Variants in POMGNT2 observed in about 807,000 individuals in gnomAD.
The protein encoded by POMGNT2 is protein O-linked mannose N-acetylglucosaminyltransferase 2 (beta 1,4-).
A neutral mutation model predicts 37.8 loss-of-function variants in POMGNT2; 32 were observed. The observed-to-expected ratio is 0.85, with a 90% CI of 0.64 to 1.14. The LOEUF (loss-of-function observed/expected upper bound fraction) is 1.14. Among genes scored for constraint, POMGNT2 ranks in the 50% most tolerant of loss-of-function variants. POMGNT2 has a pLI of 0.00. For synonymous variants in POMGNT2, 340 were observed against 336.8 expected, an observed-to-expected ratio of 1.01 and a Z score of -0.10; for missense variants, 705 against 780.6, an observed-to-expected ratio of 0.90 and a Z score of 1.15.
rs1369256836 is a variant in POMGNT2 at position 43,079,928 on chromosome 3, G to C, written c.1504C>G (p.Leu502Val). 6.2e-7 allele frequency: 1 copy of C among 1,614,024 alleles called. No individual in the cohort carries two copies. The highest frequency in any genetic ancestry group is 8.5e-7 in the Non-Finnish European group (1 of 1,180,002). The change falls in exon 2 of 2, where the codon CTC (leucine) becomes GTC (valine). Residue 502 changes from leucine (L) to valine (V), a missense_variant. Coordinates refer to ENST00000344697, the MANE Select transcript of POMGNT2 (RefSeq NM_032806.6). The stretch of plus-strand genomic sequence containing the variant: ...CATGGGATCTGCCAGGAGACAGTGA[G>C]GCGGGCCTCGGAGGCGCCATGCACT... The part of the protein sequence containing the change: ...ASVHGASEAR[L>V]TVSWQIPWNL...
chr3:43,103,284 C>T lies in POMGNT2; in HGVS notation c.-106+2552G>A, dbSNP rs190844288. ...TCTCAGTCCAGGGCTCCTTCTCCTC[C>T]CTTATCCACAGCTCAAGGGCTGCTC... On this transcript the variant is annotated intron_variant, in intron 1 of 1. Transcript: ENST00000344697. Among the ~76,000 whole-genome samples the T allele has an allele frequency of 2.7e-4, 41 of 152,262 alleles. No homozygotes were observed. The Middle Eastern group carries it at 0.01, about 38-fold the overall frequency.
At chr3:43,086,089 C>T (rs2089895950) in intron 1 of POMGNT2, among the ~76,000 whole-genome samples, 1 of 152,168 alleles carries the variant, frequency 6.6e-6, no homozygotes, top group African/African-American at 2.4e-5. Flanking sequence ...TTGACCAGAA[C>T]CTGAGGTATC....
intron 1 of POMGNT2, among the ~76,000 whole-genome samples, chr3:43,092,737 T>C (rs1417907727): frequency 1.3e-5 from 2 of 152,230 alleles, no homozygotes; most frequent in Non-Finnish European, 2.9e-5. Flanking sequence ...GTGGAGTTCT[T>C]TATATATTTG....
At chr3:43,105,403 C>T (rs557244367) in intron 1 of POMGNT2, among the ~76,000 whole-genome samples, 80 of 152,334 alleles carry the variant, frequency 5.3e-4, no homozygotes, top group Non-Finnish European at 4.1e-4. Flanking sequence ...TTGGGGAGGC[C>T]CAGGCCCGCT....
chr3:43,081,155 A>T lies in POMGNT2; in HGVS notation c.277T>A (p.Phe93Ile). The T allele has an allele frequency of 6.2e-7, 1 of 1,613,684 alleles. No individual in the cohort carries two copies. The highest frequency in any genetic ancestry group is 1.3e-5 in the African/African-American group (1 of 74,844). The change falls in exon 2 of 2, where the codon TTC (phenylalanine) becomes ATC (isoleucine). Residue 93 changes from phenylalanine (F) to isoleucine (I), a missense_variant. Physicochemically the swap from Phe to Ile is conservative, Grantham distance 21. Coordinates refer to ENST00000344697, the MANE Select transcript of POMGNT2 (RefSeq NM_032806.6). Reference sequence around the variant, plus strand: ...GAGGTGTTGCCATGGAAGAAGATGAACTCCTCAGCCTCGTTGGAGTAGCAG... The same window carrying T: ...GAGGTGTTGCCATGGAAGAAGATGATCTCCTCAGCCTCGTTGGAGTAGCAG... ...WLCYSNEAEE[F>I]IFFHGNTSVM... is the part of the protein sequence containing the mutation.
rs908323756 is a variant in POMGNT2, at chr3:43,081,490, G to A, written c.-59C>T. 7.2e-7 allele frequency: 1 copy of A among 1,395,964 alleles called. No homozygotes were observed. Among genetic ancestry groups the A allele is most frequent in the African/African-American group, 1.4e-5 (1 of 69,038 alleles). The allele number at this position is 1,395,964 out of a possible 1,614,324, so 86.5% of individuals were successfully genotyped here. ...GGCCACTGGGAAGCACCACAGGCCA[G>A]GCAGGCTTCACCCATCCCTATGGGC... On this transcript the variant is annotated 5_prime_UTR_variant, in exon 2 of 2. Coordinates refer to ENST00000344697, the MANE Select transcript of POMGNT2 (RefSeq NM_032806.6).
intron 1 of POMGNT2, among the ~76,000 whole-genome samples, chr3:43,089,571 T>C (rs2089926138): frequency 6.6e-6 from 1 of 151,918 alleles, no homozygotes; most frequent in Non-Finnish European, 1.5e-5. Context: ...AAAAACCAGT[T>C]AGGAGCTCCC....
At chr3:43,097,357 TA>T (rs1222555449) in intron 1 of POMGNT2, among the ~76,000 whole-genome samples, 4 of 152,096 alleles carry the variant, frequency 2.6e-5, no homozygotes, top group Non-Finnish European at 5.9e-5. Flanking sequence ...TGGGCTCCCA[TA>T]ACAGAATACC....
chr3:43,084,416 C>T (rs568109870), intron 1 of POMGNT2, among the ~76,000 whole-genome samples: 3 of 152,182 alleles, frequency 2.0e-5, no homozygotes, highest in African/African-American at 7.2e-5. Context: ...GAGGCCAAGG[C>T]GGGTGGATCA....
rs1575461237 is a variant in POMGNT2, at chr3:43,079,840, T to C, written c.1592A>G (p.Glu531Gly). ...KYEVWLQEQGENTYVPYILAL... is the reference protein window; with the variant it reads ...KYEVWLQEQGGNTYVPYILAL... ...CAGGATGTAAGGCACGTAGGTGTTC[T>C]CCCCCTGCTCCTGCAGCCACACCTC... is the stretch of plus-strand genomic sequence containing the variant. Residue 531 changes from glutamate (E) to glycine (G), a missense_variant, in exon 2 of 2, where the codon GAG (glutamate) becomes GGG (glycine). Physicochemically the swap from Glu to Gly is moderately conservative, Grantham distance 98 (BLOSUM62 -2). Transcript: ENST00000344697. The C allele has an allele frequency of 6.2e-7, 1 of 1,614,116 alleles. No individual in the cohort carries two copies. The highest frequency in any genetic ancestry group is 1.1e-5 in the South Asian group (1 of 91,084).
chr3:43,105,687 G>C (rs545190495), intron 1 of POMGNT2, 149 bp downstream of exon 1: 1 of 150,906 alleles, frequency 6.6e-6, no homozygotes, highest in Non-Finnish European at 1.5e-5. Context: ...AAACTCTCCT[G>C]GATCCCGAAG....
chr3:43,097,306 C>T (rs549916366), intron 1 of POMGNT2, among the ~76,000 whole-genome samples: 165 of 152,282 alleles, frequency 1.1e-3, no homozygotes, highest in Middle Eastern at 3.4e-3. Flanking sequence ...GAGAGAATGG[C>T]GGGAAAGCAG....
chr3:43,097,313 G>C (rs944189296), intron 1 of POMGNT2, among the ~76,000 whole-genome samples: 1 of 152,178 alleles, frequency 6.6e-6, no homozygotes, highest in African/African-American at 2.4e-5. Context: ...TGGCGGGAAA[G>C]CAGCCTGGTG....
chr3:43,083,987 T>C (rs1419042203), intron 1 of POMGNT2, among the ~76,000 whole-genome samples: 3 of 152,214 alleles, frequency 2.0e-5, no homozygotes, highest in African/African-American at 7.2e-5. Context: ...ATATTTTCAC[T>C]GCGTATAGAA....
Position 43,081,427 on chromosome 3 carries a change from T to G in POMGNT2, c.5A>C (p.His2Pro). MHLSAVFNALLV... is the reference protein window; with the variant it reads MPLSAVFNALLV... The stretch of plus-strand genomic sequence containing the variant: ...GAGGGCGTTGAACACCGCCGAGAGG[T>G]GCATCCTAATGCCACTGTGGGGCCC... Residue 2 changes from histidine to proline, a missense_variant, in exon 2 of 2, where the codon CAC becomes CCC. Coordinates refer to ENST00000344697, the MANE Select transcript of POMGNT2 (RefSeq NM_032806.6). 6.4e-7 allele frequency: 1 copy of G among 1,552,606 alleles called. No individual in the cohort carries two copies. Among genetic ancestry groups the G allele is most frequent in the Non-Finnish European group, 8.7e-7 (1 of 1,151,548 alleles).
chr3:43,090,762 C>G (rs2089937116), intron 1 of POMGNT2, among the ~76,000 whole-genome samples: 1 of 152,084 alleles, frequency 6.6e-6, no homozygotes, highest in Non-Finnish European at 1.5e-5. Flanking sequence ...GGAAGGGAGA[C>G]CACCCTGAGA....
chr3:43,083,749 A>C (rs2089874259), intron 1 of POMGNT2, among the ~76,000 whole-genome samples: 1 of 152,226 alleles, frequency 6.6e-6, no homozygotes. Context: ...TTCAACTGTC[A>C]AGTATGATTT....
rs934800726 is a variant in POMGNT2 at position 43,079,890 on chromosome 3, G to A, written c.1542C>T (p.Tyr514=). The change falls in exon 2 of 2, where the codon TAC becomes TAT. Residue 514 remains tyrosine, a synonymous_variant. Coordinates refer to ENST00000344697, the MANE Select transcript of POMGNT2 (RefSeq NM_032806.6). ...VSWQIPWNLK[Y]LKVREVKYEV... ...CGTACTTCACCTCCCTCACCTTCAG[G>A]TATTTAAGGTTCCATGGGATCTGCC... The A allele has an allele frequency of 1.2e-6, 2 of 1,614,000 alleles. No homozygotes were observed. Among genetic ancestry groups the A allele is most frequent in the African/African-American group, 1.3e-5 (1 of 74,924 alleles).
At chr3:43,102,383 C>T (rs1016245962) in intron 1 of POMGNT2, among the ~76,000 whole-genome samples, 2 of 152,218 alleles carry the variant, frequency 1.3e-5, no homozygotes, top group African/African-American at 4.8e-5. Flanking sequence ...GTAGCATAAG[C>T]TTGTACCAAT....
Sources: allele counts gnomAD v4.1 joint callset (sites outside exome capture counted in the v4.1 genomes callset), GRCh38; gene constraint gnomAD v4.1.1; transcripts MANE v1.5; gene names NCBI Gene and HGNC (gene_info 2026-07-23, HGNC 2026-07-21).